The following ARL5A variants were observed in gnomAD, a reference collection of about 807,000 sequenced individuals.
The protein encoded by ARL5A is ADP-ribosylation factor-like protein 5A.
A neutral mutation model predicts 25.9 loss-of-function variants in ARL5A; 18 were observed. That is an observed-to-expected ratio of 0.69 (90% confidence interval 0.48 to 1.03). The LOEUF (loss-of-function observed/expected upper bound fraction) is 1.03. Among genes scored for constraint, ARL5A ranks in the 50% least tolerant of loss-of-function variants. The pLI, the probability that ARL5A is intolerant of heterozygous loss-of-function variation, is 0.00. For missense variants in ARL5A, 170 were observed against 211.9 expected, an observed-to-expected ratio of 0.80 and a Z score of 1.23; for synonymous variants, 61 against 67.5, an observed-to-expected ratio of 0.90 and a Z score of 0.47.
rs1269827374 is a variant in ARL5A at position 151,828,226 on chromosome 2, C to A, written c.-50G>T. On this transcript the variant is annotated 5_prime_UTR_variant, in exon 1 of 6. Coordinates refer to ENST00000295087, the MANE Select transcript of ARL5A (RefSeq NM_012097.4). ...CCAGACACCCGGGCCGCCTGGCTTCCCCCGGCTCAGGCTGAGGGGGAGGAG... is the reference window on the plus strand; with the variant it reads ...CCAGACACCCGGGCCGCCTGGCTTCACCCGGCTCAGGCTGAGGGGGAGGAG... The A allele has an allele frequency of 2.5e-6, 4 of 1,575,724 alleles. No individual in the cohort carries two copies. In the East Asian group the frequency reaches 9.2e-5, roughly 36 times the overall value.
Position 151,828,305 on chromosome 2 carries a change from C to T in ARL5A, c.-129G>A, listed in dbSNP as rs1419812516. On this transcript the variant is annotated 5_prime_UTR_variant, in exon 1 of 6. Transcript: ENST00000295087. Reference sequence around the variant, plus strand: ...TGCTGCTCCCGCGCTGGTCGCGGGCCCGCTTCCAGGGAACCGGAGGGAGGC... The same window carrying T: ...TGCTGCTCCCGCGCTGGTCGCGGGCTCGCTTCCAGGGAACCGGAGGGAGGC... 2.4e-6 allele frequency: 2 copies of T among 834,140 alleles called. No homozygotes were observed. The highest frequency in any genetic ancestry group is 3.3e-5 in the Admixed American group (1 of 30,096). 51.7% of individuals were successfully genotyped at this position (834,140 alleles called of 1,614,324 possible). A position where few individuals can be genotyped will look rare whatever the true frequency, so the allele number is the denominator to read the frequency against.
intron 1 of ARL5A, among the ~76,000 whole-genome samples, chr2:151,823,350 T>C (rs1389110535): frequency 6.6e-6 from 1 of 152,182 alleles, no homozygotes; most frequent in Non-Finnish European, 1.5e-5. Flanking sequence ...AAAAGAAAGT[T>C]TGAAAATAAA....
At chr2:151,815,115 A>G in intron 2 of ARL5A, 24 bp downstream of exon 2, 1 of 1,551,838 alleles carries the variant, frequency 6.4e-7, no homozygotes, top group Non-Finnish European at 8.8e-7. Flanking sequence ...AAATAAAATA[A>G]TTTTTAAAAT....
At chr2:151,804,144 TAAAAC>T (rs1252921264) in intron 5 of ARL5A, among the ~76,000 whole-genome samples, 1 of 152,166 alleles carries the variant, frequency 6.6e-6, no homozygotes, top group Non-Finnish European at 1.5e-5. Flanking sequence ...TTGTAGTTAT[TAAAAC>T]AAAGTATACA....
chr2:151,819,560 A>G (rs1454053215), intron 1 of ARL5A, among the ~76,000 whole-genome samples: 1 of 152,224 alleles, frequency 6.6e-6, no homozygotes, highest in East Asian at 1.9e-4. Flanking sequence ...AGGACATACC[A>G]GTGGAAAAAC....
intron 5 of ARL5A, among the ~76,000 whole-genome samples, chr2:151,804,596 A>G (rs907287858): frequency 6.6e-6 from 1 of 152,166 alleles, no homozygotes; most frequent in Non-Finnish European, 1.5e-5. Context: ...TACTGATAGG[A>G]AACAGTACAC....
At chr2:151,804,473 T>C (rs982449117) in intron 5 of ARL5A, among the ~76,000 whole-genome samples, 4 of 152,138 alleles carry the variant, frequency 2.6e-5, no homozygotes, top group Non-Finnish European at 4.4e-5. Flanking sequence ...ATGAGTCTAA[T>C]AACGTAAAAG....
intron 5 of ARL5A, among the ~76,000 whole-genome samples, chr2:151,805,407 T>C (rs1446234290): frequency 6.6e-6 from 1 of 152,172 alleles, no homozygotes; most frequent in Non-Finnish European, 1.5e-5. Context: ...GCTTTTGTCC[T>C]TTCCTAACAC....
rs144769328 is a variant in ARL5A, at chr2:151,825,168, A to G, written c.46+2963T>C. Among the ~76,000 whole-genome samples, 39 of 152,326 alleles carry G rather than the reference A, an allele frequency of 2.6e-4. 1 individual carries two copies. Among genetic ancestry groups the G allele is most frequent in the African/African-American group, 8.9e-4 (37 of 41,572 alleles). On this transcript the variant is annotated intron_variant, in intron 1 of 5. Transcript: ENST00000295087. ...CTTCCTGGACTAAATAGGTGTTAAA[A>G]TATTTGTTTATTGAGAACAAGTAAA...
At chr2:151,818,977 A>T (rs568689008) in intron 1 of ARL5A, among the ~76,000 whole-genome samples, 1 of 152,116 alleles carries the variant, frequency 6.6e-6, no homozygotes, top group South Asian at 2.1e-4. Flanking sequence ...CAGAATTTAG[A>T]TGGGCTTCTC....
At chr2:151,821,185 C>T (rs2099832250) in intron 1 of ARL5A, among the ~76,000 whole-genome samples, 1 of 152,206 alleles carries the variant, frequency 6.6e-6, no homozygotes. Context: ...TACAATCTTA[C>T]TCTTCTGCCT....
At chr2:151,822,833 A>G (rs1010001624) in intron 1 of ARL5A, among the ~76,000 whole-genome samples, 25 of 152,166 alleles carry the variant, frequency 1.6e-4, no homozygotes, top group Non-Finnish European at 2.6e-4. Flanking sequence ...TAACATACCA[A>G]TCAATACTTT....
Position 151,815,224 on chromosome 2 carries a change from T to C in ARL5A, c.47-25A>G, listed in dbSNP as rs781730136. The C allele has an allele frequency of 3.8e-6, 6 of 1,559,314 alleles. No homozygotes were observed. The South Asian group carries it at 7.2e-5, about 19-fold the overall frequency. On this transcript the variant is annotated intron_variant, in intron 1 of 5. Transcript: ENST00000295087. ...TCTGAAATAGAGAAAACACCAGTGATTTTTTTTCAAAAAAGGAAAAAAAAA... is the reference window on the plus strand; with the variant it reads ...TCTGAAATAGAGAAAACACCAGTGACTTTTTTTCAAAAAAGGAAAAAAAAA...
rs60330979 is a variant in ARL5A, at chr2:151,828,190, AC to A, written c.-15del. The A allele has an allele frequency of 4.4e-3, 6,358 of 1,457,452 alleles. 19 individuals are homozygous for A. Among genetic ancestry groups the A allele is most frequent in the Non-Finnish European group, 5.3e-3 (5,598 of 1,055,124 alleles). The allele number at this position is 1,457,452 out of a possible 1,614,324, so 90.3% of individuals were successfully genotyped here. A position where few individuals can be genotyped will look rare whatever the true frequency, so the allele number is the denominator to read the frequency against. ...GAGAATTCCCATTCTCGGGCAGCGG[AC>A]CCCCCCCCTCCAGACACCCGGGCCG... On this transcript the variant is annotated 5_prime_UTR_variant, in exon 1 of 6. Transcript: ENST00000295087.
At chr2:151,813,045 G>A (rs1485308873) in intron 3 of ARL5A, among the ~76,000 whole-genome samples, 2 of 152,110 alleles carry the variant, frequency 1.3e-5, no homozygotes, top group Non-Finnish European at 2.9e-5. Context: ...GTGCAGGACT[G>A]AGCTCCACCC....
At chr2:151,810,704 C>G in intron 4 of ARL5A, 2 of 255,598 alleles carry the variant, frequency 7.8e-6, no homozygotes, top group South Asian at 7.4e-5. Flanking sequence ...TTAATGCCCC[C>G]AGCTAGTAAA....
At chr2:151,820,732 C>A (rs1008266312) in intron 1 of ARL5A, among the ~76,000 whole-genome samples, 1 of 141,132 alleles carries the variant, frequency 7.1e-6, no homozygotes, top group African/African-American at 2.6e-5. Flanking sequence ...TAGAGAAAAG[C>A]GTGTCGGAGA....
intron 4 of ARL5A, among the ~76,000 whole-genome samples, chr2:151,808,246 C>G (rs1016592062): frequency 6.6e-6 from 1 of 152,158 alleles, no homozygotes; most frequent in Non-Finnish European, 1.5e-5. Flanking sequence ...TTTGGTGCCA[C>G]ACTTGCAAGT....
intron 1 of ARL5A, among the ~76,000 whole-genome samples, chr2:151,820,732 C>T (rs1008266312): frequency 7.1e-6 from 1 of 141,132 alleles, no homozygotes; most frequent in Admixed American, 7.3e-5. Flanking sequence ...TAGAGAAAAG[C>T]GTGTCGGAGA....
Sources: gnomAD v4.1 joint callset for allele counts (sites outside exome capture counted in the v4.1 genomes callset) on GRCh38, gnomAD v4.1.1 for gene constraint, MANE v1.5 for transcripts, NCBI Gene and HGNC (gene_info 2026-07-23, HGNC 2026-07-21) for gene names.